The following MTSS1 variants were observed in gnomAD, a reference collection of about 807,000 sequenced individuals.
MTSS1 encodes the protein MTSS I-BAR domain containing 1.
MTSS1 carries 18 observed loss-of-function variants against 79.0 expected under a neutral mutation model. That is an observed-to-expected ratio of 0.23 (90% CI 0.16 to 0.34). The LOEUF is 0.34. Among genes scored for constraint, MTSS1 ranks in the 10% least tolerant of loss-of-function variants. The pLI, the probability that MTSS1 is intolerant of heterozygous loss-of-function variation, is 1.00. For missense variants in MTSS1, 815 were observed against 986.2 expected, an observed-to-expected ratio of 0.83 and a Z score of 2.33; for synonymous variants, 341 against 368.6, an observed-to-expected ratio of 0.93 and a Z score of 0.86.
At chr8:124,627,647 C>G (rs1264582337) in intron 3 of MTSS1, among the ~76,000 whole-genome samples, 1 of 152,174 alleles carries the variant, frequency 6.6e-6, no homozygotes, top group African/African-American at 2.4e-5. Flanking sequence ...ATAGACTAAG[C>G]AGCCCTGGGA....
At chr8:124,566,264 C>T (rs1005010588) in intron 8 of MTSS1, 1 of 154,286 alleles carries the variant, frequency 6.5e-6, no homozygotes, top group African/African-American at 2.4e-5. Context: ...ATTTCTATAT[C>T]TGTCTCCGTT....
chr8:124,627,168 G>A (rs1236511223), intron 3 of MTSS1, among the ~76,000 whole-genome samples: 1 of 151,870 alleles, frequency 6.6e-6, no homozygotes, highest in East Asian at 1.9e-4. Context: ...TGGTACCTCT[G>A]GCCTCTGACC....
intron 3 of MTSS1, among the ~76,000 whole-genome samples, chr8:124,606,209 G>A (rs1163724005): frequency 5.7e-5 from 7 of 122,120 alleles, no homozygotes; most frequent in Non-Finnish European, 1.1e-4. Flanking sequence ...TTTCACTCTT[G>A]TGGCCCAGGC....
rs200534133 is a variant in MTSS1 at position 124,624,264 on chromosome 8, A to G, written c.209-33029T>C. Among the ~76,000 whole-genome samples the G allele has an allele frequency of 5.9e-5, 9 of 152,282 alleles. No individual in the cohort carries two copies. The East Asian group carries it at 1.7e-3, about 29-fold the overall frequency. ...GCCCACAATTTATTATTTTTGCACT[A>G]TCAGAGAGCTCTAAGCCAAATGGCT... On this transcript the variant is annotated intron_variant, in intron 3 of 13. Coordinates refer to ENST00000518547, the MANE Select transcript of MTSS1 (RefSeq NM_014751.6).
chr8:124,589,061 C>T (rs1394056684), intron 5 of MTSS1, among the ~76,000 whole-genome samples: 1 of 149,964 alleles, frequency 6.7e-6, no homozygotes, highest in Non-Finnish European at 1.5e-5. Flanking sequence ...GATGGAGTCT[C>T]ACTCTGTCGT....
intron 3 of MTSS1, among the ~76,000 whole-genome samples, chr8:124,668,425 T>C (rs548483105): frequency 6.6e-6 from 1 of 152,292 alleles, no homozygotes; most frequent in South Asian, 2.1e-4. Flanking sequence ...GAATTCATCC[T>C]GTCCTAGCTC....
intron 3 of MTSS1, among the ~76,000 whole-genome samples, chr8:124,641,135 T>C (rs1473266641): frequency 6.6e-6 from 1 of 150,770 alleles, no homozygotes; most frequent in Non-Finnish European, 1.5e-5. Flanking sequence ...GGAGGGGACA[T>C]GGCAGGGGAC....
chr8:124,610,411 G>C (rs761736714), intron 3 of MTSS1, among the ~76,000 whole-genome samples: 1 of 152,146 alleles, frequency 6.6e-6, no homozygotes, highest in African/African-American at 2.4e-5. Flanking sequence ...AAGCCTTCGC[G>C]GGAACAGATC....
In MTSS1 at chr8:124,582,050, G is replaced by A. The variant is rs1017747140; in HGVS notation, c.460+3037C>T. ...TCCTGCCGCCTCCGTCCCTCCACCT[G>A]TCGGCAATGCTGGCTCTGCCCCGTG... On this transcript the variant is annotated intron_variant, in intron 6 of 13. Coordinates refer to ENST00000518547, the MANE Select transcript of MTSS1 (RefSeq NM_014751.6). This position sits in a 1 kb window ranked among gnomAD's most constrained non-coding sequence, Gnocchi z 4.8. Among the ~76,000 whole-genome samples the A allele has an allele frequency of 6.6e-6, 1 of 152,116 alleles. No individual in the cohort carries two copies. Among genetic ancestry groups the A allele is most frequent in the Non-Finnish European group, 1.5e-5 (1 of 68,020 alleles).
At chr8:124,557,966 G>T in intron 10 of MTSS1, 91 bp from the exon 11 acceptor site, 1 of 1,000,174 alleles carries the variant, frequency 1.0e-6, no homozygotes, top group Non-Finnish European at 1.4e-6. Context: ...GACATTCAAG[G>T]GAGGGGAAAC....
At chr8:124,625,935 C>T (rs1360763982) in intron 3 of MTSS1, among the ~76,000 whole-genome samples, 1 of 152,142 alleles carries the variant, frequency 6.6e-6, no homozygotes, top group Non-Finnish European at 1.5e-5. Context: ...TCAGTTGGCT[C>T]CAGGGTCAAA....
At chr8:124,628,141 T>A (rs1455640582) in intron 3 of MTSS1, among the ~76,000 whole-genome samples, 1 of 152,196 alleles carries the variant, frequency 6.6e-6, no homozygotes. Flanking sequence ...CACTCCAGCC[T>A]GGGCGACAGA....
intron 3 of MTSS1, among the ~76,000 whole-genome samples, chr8:124,694,149 C>T (rs1391611210): frequency 6.6e-6 from 1 of 152,010 alleles, no homozygotes; most frequent in East Asian, 1.9e-4. Context: ...AAAATGGGAT[C>T]AAAATGGGGA....
intron 3 of MTSS1, chr8:124,698,250 C>CCAT (rs1487368569): frequency 7.9e-5 from 12 of 152,050 alleles, no homozygotes; most frequent in African/African-American, 2.9e-4. Flanking sequence ...CTGAAGGTAC[C>CCAT]CATCAGGTGG....
chr8:124,589,793 T>A (rs1037009677), intron 4 of MTSS1, 82 bp from the exon 5 acceptor site: 2 of 994,198 alleles, frequency 2.0e-6, no homozygotes, highest in Admixed American at 2.0e-5. Context: ...TGTCAAAACA[T>A]ACCTAAATCA....
At chr8:124,634,917 C>T (rs1418813718) in intron 3 of MTSS1, among the ~76,000 whole-genome samples, 1 of 152,208 alleles carries the variant, frequency 6.6e-6, no homozygotes, top group African/African-American at 2.4e-5. Flanking sequence ...CCGTTCTATG[C>T]TGTGAGTTTA....
At position 124,727,501 on chromosome 8, in the gene MTSS1, T is replaced by A. The variant is rs1833894294; in HGVS notation, c.72+383A>T. 6.5e-6 allele frequency: 3 copies of A among 460,596 alleles called. No homozygotes were observed. In the Admixed American group the frequency reaches 7.1e-5, roughly 11 times the overall value. The allele number at this position is 460,596 out of a possible 1,614,324, so 28.5% of individuals were successfully genotyped here. On this transcript the variant is annotated intron_variant, in intron 1 of 13. Coordinates refer to ENST00000518547, the MANE Select transcript of MTSS1 (RefSeq NM_014751.6). The surrounding 1 kb of genome is among the most constrained non-coding windows in gnomAD (Gnocchi z 4.7). Reference sequence around the variant, plus strand: ...CACCGCGCCAGGCGCCCCCACCCCGTGCCCGGAGGAATCAGGTGTCCTCCC... The same window carrying A: ...CACCGCGCCAGGCGCCCCCACCCCGAGCCCGGAGGAATCAGGTGTCCTCCC...
intron 1 of MTSS1, among the ~76,000 whole-genome samples, chr8:124,715,357 TA>T (rs1386657751): frequency 6.6e-6 from 1 of 152,218 alleles, no homozygotes; most frequent in Non-Finnish European, 1.5e-5. Flanking sequence ...TCTTTTTTTT[TA>T]ATTTTTGTTG....
intron 3 of MTSS1, among the ~76,000 whole-genome samples, chr8:124,636,633 T>C (rs1817049171): frequency 6.6e-6 from 1 of 152,142 alleles, no homozygotes; most frequent in African/African-American, 2.4e-5. Context: ...CTATGATCAC[T>C]GAGGCCTCAT....
Sources: allele counts gnomAD v4.1 joint callset (sites outside exome capture counted in the v4.1 genomes callset), GRCh38; gene constraint gnomAD v4.1.1; non-coding constraint Gnocchi (gnomAD v3.1); transcripts MANE v1.5; gene names NCBI Gene and HGNC (gene_info 2026-07-23, HGNC 2026-07-21).